AVEN: variants seen among roughly 807,000 people sequenced by gnomAD.
AVEN encodes the protein cell death regulator Aven.
In AVEN, 41 loss-of-function variants were observed where a neutral mutation model predicts 38.1. The ratio of observed to expected loss-of-function variants is 1.08; its 90% CI spans 0.84 to 1.40. The LOEUF is 1.40. Ranked by LOEUF, AVEN falls within the 40% of genes most tolerant of loss-of-function variation. The pLI, the probability that AVEN is intolerant of heterozygous loss-of-function variation, is 0.00. For synonymous variants in AVEN, 206 were observed against 171.8 expected (o/e 1.20, Z -1.56); for missense variants, 605 against 438.8 (o/e 1.38, Z -3.38).
intron 2 of AVEN, among the ~76,000 whole-genome samples, chr15:33,952,562 T>C (rs1337634039): frequency 6.6e-6 from 1 of 152,096 alleles, no homozygotes; most frequent in Non-Finnish European, 1.5e-5. Flanking sequence ...GCATAAATAA[T>C]GAAAGAGTAT....
intron 2 of AVEN, chr15:33,991,270 C>T (rs1409587661): frequency 2.6e-5 from 4 of 152,132 alleles, no homozygotes; most frequent in Non-Finnish European, 4.4e-5. Flanking sequence ...GACCTTCTAA[C>T]ACTTTTCAAG....
chr15:33,908,050 T>C (rs16958313), intron 2 of AVEN, among the ~76,000 whole-genome samples: 1,532 of 152,312 alleles, frequency 0.01, 28 homozygotes, highest in African/African-American at 0.035. Flanking sequence ...TTCATTTACA[T>C]TGTATATTTT....
intron 5 of AVEN, among the ~76,000 whole-genome samples, chr15:34,045,737 A>C (rs938757633): frequency 4.6e-4 from 3 of 6,550 alleles, no homozygotes; most frequent in African/African-American, 4.9e-4. Flanking sequence ...CGAAGGCCTA[A>C]CCTCACTTAG....
intron 5 of AVEN, among the ~76,000 whole-genome samples, chr15:34,061,828 G>A (rs1900342467): frequency 6.6e-6 from 1 of 152,166 alleles, no homozygotes; most frequent in African/African-American, 2.4e-5. Flanking sequence ...TTAGGGCAAG[G>A]AGAGGTGGTA....
At chr15:34,023,504 G>A (rs1223289878) in intron 1 of AVEN, among the ~76,000 whole-genome samples, 2 of 152,168 alleles carry the variant, frequency 1.3e-5, no homozygotes, top group Admixed American at 6.5e-5. Flanking sequence ...GATGCTGTCA[G>A]GGTAGAGAAA....
intron 2 of AVEN, among the ~76,000 whole-genome samples, chr15:33,882,535 A>G (rs1891530985): frequency 1.3e-5 from 2 of 149,004 alleles, no homozygotes; most frequent in African/African-American, 4.9e-5. Context: ...TTTAAATCAA[A>G]TAATTGTGTG....
At chr15:33,858,372 T>C (rs1308186302), downstream of AVEN, among the ~76,000 whole-genome samples, 1 of 151,966 alleles carries the variant, frequency 6.6e-6, no homozygotes, top group Admixed American at 6.6e-5. Flanking sequence ...ACCTGGCTAA[T>C]TTTGTATTTT....
At chr15:33,940,262 C>G (rs1567424642) in intron 2 of AVEN, among the ~76,000 whole-genome samples, 1 of 152,214 alleles carries the variant, frequency 6.6e-6, no homozygotes, top group Admixed American at 6.5e-5. Flanking sequence ...CAGTTTCCTT[C>G]TAACAATCTT....
At chr15:33,979,801 G>T (rs1157926967) in intron 2 of AVEN, among the ~76,000 whole-genome samples, 1 of 152,186 alleles carries the variant, frequency 6.6e-6, no homozygotes, top group African/African-American at 2.4e-5. Flanking sequence ...ACACTAAGGA[G>T]CTCCAGTGGT....
chr15:33,997,359 G>A (rs1896977303), intron 2 of AVEN, among the ~76,000 whole-genome samples: 1 of 152,042 alleles, frequency 6.6e-6, no homozygotes, highest in Non-Finnish European at 1.5e-5. Context: ...GTCAAAGAAT[G>A]TGAGCAGCAG....
chr15:34,053,600 T>C (rs1285006343), intron 5 of AVEN, among the ~76,000 whole-genome samples: 1 of 151,946 alleles, frequency 6.6e-6, no homozygotes, highest in East Asian at 1.9e-4. Flanking sequence ...ATTTCATAAA[T>C]GGTGCTGAGA....
At chr15:33,964,330 T>C (rs1209533524) in intron 2 of AVEN, among the ~76,000 whole-genome samples, 1 of 152,064 alleles carries the variant, frequency 6.6e-6, no homozygotes, top group Non-Finnish European at 1.5e-5. Context: ...ATATTAAGGA[T>C]GACAAATTAG....
intron 2 of AVEN, among the ~76,000 whole-genome samples, chr15:33,997,885 A>G (rs1408075754): frequency 6.6e-6 from 1 of 152,006 alleles, no homozygotes; most frequent in Non-Finnish European, 1.5e-5. Flanking sequence ...ACCTGTTCTC[A>G]CCTTAAATTT....
chr15:33,914,880 C>T (rs955827300), intron 2 of AVEN, among the ~76,000 whole-genome samples: 3 of 151,948 alleles, frequency 2.0e-5, no homozygotes, highest in East Asian at 1.9e-4. Flanking sequence ...GCAAAGGCAC[C>T]TCATGTGCAA....
At chr15:34,031,338 C>T (rs891689846) in intron 1 of AVEN, among the ~76,000 whole-genome samples, 2 of 151,950 alleles carry the variant, frequency 1.3e-5, no homozygotes, top group South Asian at 2.1e-4. Context: ...CCATGCCTGG[C>T]TAATTTTTAT....
chr15:33,878,988 C>T (rs1891368749), intron 2 of AVEN, among the ~76,000 whole-genome samples: 1 of 151,818 alleles, frequency 6.6e-6, no homozygotes, highest in Non-Finnish European at 1.5e-5. Context: ...ATAATTGGTA[C>T]AAGATTCAGT....
the AVEN span, chr15:33,853,773 T>C: frequency 1.3e-6 from 2 of 1,500,004 alleles, no homozygotes; most frequent in East Asian, 4.6e-5. Context: ...GTGTCTTTGT[T>C]CTCTCAGGCT....
At chr15:34,058,660 C>T (rs1900238786) in intron 5 of AVEN, among the ~76,000 whole-genome samples, 1 of 151,856 alleles carries the variant, frequency 6.6e-6, no homozygotes, top group Admixed American at 6.6e-5. Context: ...GTAACTAATA[C>T]ACCCTTGTTC....
At chr15:33,860,715 T>G in intron 11 of AVEN, 1 of 1,287,492 alleles carries the variant, frequency 7.8e-7, no homozygotes, top group Non-Finnish European at 1.1e-6. Context: ...CAGAAGCAAA[T>G]AGATTTTTTA....
Sources: allele counts gnomAD v4.1 joint callset (sites outside exome capture counted in the v4.1 genomes callset), GRCh38; gene constraint gnomAD v4.1.1; transcripts MANE v1.5; gene names NCBI Gene and HGNC (gene_info 2026-07-23, HGNC 2026-07-21).